ARHGEF18: variants seen among roughly 807,000 people sequenced by gnomAD.
ARHGEF18 encodes the protein Rho/Rac guanine nucleotide exchange factor 18, also known as rho guanine nucleotide exchange factor 18.
ARHGEF18 carries 93 observed loss-of-function variants against 155.7 expected under a neutral mutation model. That is an observed-to-expected ratio of 0.60 (90% confidence interval 0.50 to 0.71). The LOEUF (loss-of-function observed/expected upper bound fraction) is 0.71. ARHGEF18 is among the 30% of genes least tolerant of loss of function. The pLI is 0.00. For missense variants in ARHGEF18, 1,593 were observed against 1,816.1 expected (o/e 0.88, Z 2.23); for synonymous variants, 742 against 753.1 (o/e 0.99, Z 0.24).
intron 6 of ARHGEF18, 45 bp downstream of exon 6, chr19:7,378,496 G>C: frequency 8.1e-7 from 1 of 1,232,158 alleles, no homozygotes; most frequent in Non-Finnish European, 1.0e-6. Context: ...CAGGGAACAG[G>C]CCACAAAGTC....
rs560542768 is a variant in ARHGEF18 at position 7,444,890 on chromosome 19, G to A, written c.1611+436G>A. Among the ~76,000 whole-genome samples the A allele has an allele frequency of 4.6e-5, 7 of 152,086 alleles. No homozygotes were observed. The highest frequency in any genetic ancestry group is 1.3e-4 in the Admixed American group (2 of 15,262). On this transcript the variant is annotated intron_variant, in intron 14 of 28. Transcript: ENST00000668164. This position sits in a 1 kb window ranked among gnomAD's most constrained non-coding sequence, Gnocchi z 4.7. ...CTGGCTTAAGCAATCCCCCTGCCTC[G>A]GCATCCCAAAGTGCAGGGATCACAG... is the stretch of plus-strand genomic sequence containing the variant.
intron 1 of ARHGEF18, among the ~76,000 whole-genome samples, chr19:7,360,674 C>T (rs1193717242): frequency 6.6e-6 from 1 of 152,250 alleles, no homozygotes; most frequent in African/African-American, 2.4e-5. Context: ...ACCCTGCAGG[C>T]TCTCCTCCAG....
intron 16 of ARHGEF18, 55 bp downstream of exon 16, chr19:7,451,321 C>T (rs1023960652): frequency 1.4e-6 from 2 of 1,459,208 alleles, no homozygotes; most frequent in Non-Finnish European, 1.9e-6. Flanking sequence ...ACAGGGCTCT[C>T]TCCGTGTACC....
chr19:7,373,714 T>G (rs980793173), intron 3 of ARHGEF18, among the ~76,000 whole-genome samples: 1 of 151,568 alleles, frequency 6.6e-6, no homozygotes, highest in Non-Finnish European at 1.5e-5. Context: ...GACTTCATGA[T>G]CTGCCTGCCT....
chr19:7,440,093 G>GGGGAACAT lies in ARHGEF18; in HGVS notation c.968-249_968-248insGAACATGG. On this transcript the variant is annotated intron_variant, in intron 10 of 28. Transcript: ENST00000668164. The surrounding 1 kb of genome is among the most constrained non-coding windows in gnomAD (Gnocchi z 5.4). ...GCGCCGCGCCGGGTCCCGGAGCCCCGGGCGCGAACATGGGGAATGCGCACT... is the reference window on the plus strand; with the variant it reads ...GCGCCGCGCCGGGTCCCGGAGCCCCGGGGAACATGGCGCGAACATGGGGAATGCGCACT... 6.5e-7 allele frequency: 1 copy of GGGGAACAT among 1,550,260 alleles called. No individual in the cohort carries two copies. The highest frequency in any genetic ancestry group is 1.2e-5 in the South Asian group (1 of 83,998).
chr19:7,473,062 C>T (rs752118652), downstream of ARHGEF18: 23 of 456,144 alleles, frequency 5.0e-5, no homozygotes, highest in Middle Eastern at 3.2e-4. Context: ...GGCGCCTCCA[C>T]GAAAATCTTT....
At chr19:7,412,207 T>C (rs1972728828) in intron 10 of ARHGEF18, among the ~76,000 whole-genome samples, 1 of 151,718 alleles carries the variant, frequency 6.6e-6, no homozygotes, top group Non-Finnish European at 1.5e-5. Context: ...GGCTAATTTT[T>C]GTATTTTTAG....
chr19:7,473,567 T>C (rs1424603530), downstream of ARHGEF18, among the ~76,000 whole-genome samples: 1 of 151,988 alleles, frequency 6.6e-6, no homozygotes, highest in Non-Finnish European at 1.5e-5. Context: ...ATCCCAGCAC[T>C]TTGGGAAGCC....
At chr19:7,426,856 T>C (rs1233725817) in intron 10 of ARHGEF18, among the ~76,000 whole-genome samples, 1 of 152,166 alleles carries the variant, frequency 6.6e-6, no homozygotes, top group East Asian at 1.9e-4. Context: ...CCATGGAGAA[T>C]GCAGTTTCTC....
chr19:7,353,674 C>A (rs185887644), intron 1 of ARHGEF18, among the ~76,000 whole-genome samples: 3 of 149,896 alleles, frequency 2.0e-5, no homozygotes, highest in African/African-American at 7.4e-5. Context: ...GAGATTTAGC[C>A]AGGTGTGGTG....
At position 7,459,178 on chromosome 19, in the gene ARHGEF18, T is replaced by C. The variant is rs369634667; in HGVS notation, c.2360+488T>C. Among the ~76,000 whole-genome samples, 218 of 152,218 alleles carry C rather than the reference T, an allele frequency of 1.4e-3. 1 individual carries two copies. The highest frequency in any genetic ancestry group is 4.8e-3 in the African/African-American group (200 of 41,542). ...TGCTGCCTCAGCCTCCCCGAGTAGCTGGGATTACAGGCGTGAGCCACTGCG... is the reference window on the plus strand; with the variant it reads ...TGCTGCCTCAGCCTCCCCGAGTAGCCGGGATTACAGGCGTGAGCCACTGCG... On this transcript the variant is annotated intron_variant, in intron 19 of 28. Coordinates refer to ENST00000668164, the MANE Select transcript of ARHGEF18 (RefSeq NM_001367823.1).
At chr19:7,350,760 TGGGGTG>T (rs1355016469) in intron 1 of ARHGEF18, among the ~76,000 whole-genome samples, 3 of 132,310 alleles carry the variant, frequency 2.3e-5, no homozygotes, top group Non-Finnish European at 3.2e-5. Flanking sequence ...TTGAGTTTTT[TGGGGTG>T]GGTGTGTGTG....
chr19:7,356,466 G>C (rs892716203), intron 1 of ARHGEF18, among the ~76,000 whole-genome samples: 1 of 151,818 alleles, frequency 6.6e-6, no homozygotes, highest in Non-Finnish European at 1.5e-5. Context: ...TAGAGACGGG[G>C]TTTCACCATG....
intron 10 of ARHGEF18, among the ~76,000 whole-genome samples, chr19:7,437,283 C>G (rs1974319671): frequency 6.6e-6 from 1 of 151,414 alleles, no homozygotes; most frequent in South Asian, 2.1e-4. Flanking sequence ...ACAAAATTAG[C>G]CGGGTGTGGT....
At chr19:7,438,064 TCTCCC>T (rs1252349919) in intron 10 of ARHGEF18, among the ~76,000 whole-genome samples, 7 of 82,158 alleles carry the variant, frequency 8.5e-5, no homozygotes, top group South Asian at 6.6e-4. Context: ...TCTCTTCTCT[TCTCCC>T]CTCCCCTCCC....
At chr19:7,363,008 T>C (rs1969695332) in intron 2 of ARHGEF18, 103 bp downstream of exon 2, 1 of 1,196,454 alleles carries the variant, frequency 8.4e-7, no homozygotes, top group East Asian at 3.2e-5. Context: ...GTGTACATTA[T>C]CTCAGGGAAT....
chr19:7,476,641 G>A (rs1796408530), downstream of ARHGEF18, among the ~76,000 whole-genome samples: 1 of 152,246 alleles, frequency 6.6e-6, no homozygotes, highest in African/African-American at 2.4e-5. Context: ...CTGATGAGAG[G>A]TGGCGCCTCT....
In ARHGEF18 at chr19:7,444,337, G is replaced by A. The variant is rs17159584; in HGVS notation, c.1494G>A (p.Leu498=). 7.4e-3 allele frequency: 11,896 copies of A among 1,613,588 alleles called. 153 individuals carry two copies. Among genetic ancestry groups the A allele is most frequent in the African/African-American group, 0.049 (3,671 of 75,048 alleles). ...IGRLFPCADD[L]LETHSHFLAR... ...GCCTCTTCCCATGCGCTGACGACCT[G>A]CTGGAGACGCACAGCCACTTCCTCG... is the stretch of plus-strand genomic sequence containing the variant. Residue 498 remains leucine, a synonymous_variant, in exon 14 of 29, where the codon CTG becomes CTA. Coordinates refer to ENST00000668164, the MANE Select transcript of ARHGEF18 (RefSeq NM_001367823.1). The surrounding 1 kb of genome is among the most constrained non-coding windows in gnomAD (Gnocchi z 4.7).
chr19:7,408,941 T>C (rs1972497396), intron 10 of ARHGEF18, among the ~76,000 whole-genome samples: 1 of 151,670 alleles, frequency 6.6e-6, no homozygotes, highest in Non-Finnish European at 1.5e-5. Flanking sequence ...GCACCTATAG[T>C]CCCAGCTACT....
Sources: gnomAD v4.1 joint callset for allele counts (sites outside exome capture counted in the v4.1 genomes callset) on GRCh38, gnomAD v4.1.1 for gene constraint, Gnocchi (gnomAD v3.1) non-coding constraint, MANE v1.5 for transcripts, NCBI Gene and HGNC (gene_info 2026-07-23, HGNC 2026-07-21) for gene names.